Variants in PTPRD observed in about 807,000 individuals in gnomAD.
PTPRD encodes protein tyrosine phosphatase receptor type D, also known as receptor-type tyrosine-protein phosphatase delta.
In PTPRD, 34 loss-of-function variants were observed where a neutral mutation model predicts 214.5. The ratio of observed to expected loss-of-function variants is 0.16; its 90% confidence interval spans 0.12 to 0.21. The LOEUF (loss-of-function observed/expected upper bound fraction) is 0.21. PTPRD is among the 10% of genes least tolerant of loss of function. The pLI is 1.00. For synonymous variants in PTPRD, 1,128 were observed against 845.7 expected, an observed-to-expected ratio of 1.33 and a Z score of -5.79; for missense variants, 2,545 against 2,398.7, an observed-to-expected ratio of 1.06 and a Z score of -1.27.
intron 9 of PTPRD, among the ~76,000 whole-genome samples, chr9:9,200,152 A>G (rs928158535): frequency 2.0e-5 from 3 of 152,242 alleles, no homozygotes; most frequent in East Asian, 3.8e-4. Context: ...GGTGACCATG[A>G]GCAAGCCAGC....
At chr9:10,295,640 T>G (rs1237577826) in intron 3 of PTPRD, among the ~76,000 whole-genome samples, 1 of 152,086 alleles carries the variant, frequency 6.6e-6, no homozygotes, top group Non-Finnish European at 1.5e-5. Flanking sequence ...TCCTTCAATA[T>G]ATCCATATTC....
At position 8,464,475 on chromosome 9, in the gene PTPRD, C is replaced by T. The variant is rs117605125; in HGVS notation, c.3714+991G>A. ...GCTGCCTTTGTGTTTTGATTTTCCA[C>T]GGGGGAATTCTTTCAGTCACTTGAA... On this transcript the variant is annotated intron_variant, in intron 32 of 45. Coordinates refer to ENST00000381196, the MANE Select transcript of PTPRD (RefSeq NM_002839.4). Among the ~76,000 whole-genome samples the T allele has an allele frequency of 2.6e-3, 395 of 151,944 alleles. 5 individuals carry two copies. Among genetic ancestry groups the T allele is most frequent in the South Asian group, 0.022 (104 of 4,824 alleles).
intron 8 of PTPRD, among the ~76,000 whole-genome samples, chr9:9,524,528 T>C (rs1236243502): frequency 1.3e-5 from 2 of 152,236 alleles, no homozygotes; most frequent in Non-Finnish European, 2.9e-5. Context: ...TCAACATTTG[T>C]TAGAAATGAT....
At chr9:8,419,348 A>G (rs1415971334) in intron 35 of PTPRD, among the ~76,000 whole-genome samples, 1 of 152,118 alleles carries the variant, frequency 6.6e-6, no homozygotes. Flanking sequence ...TAAAACACCT[A>G]TTGTTTATTA....
chr9:10,108,870 GTT>G (rs373928700), intron 3 of PTPRD, among the ~76,000 whole-genome samples: 2 of 146,266 alleles, frequency 1.4e-5, no homozygotes, highest in African/African-American at 5.0e-5. Flanking sequence ...CGTAAAGAGG[GTT>G]TTTTTTTTTG....
chr9:10,198,766 T>C lies in PTPRD; in HGVS notation c.-545+142197A>G, dbSNP rs1217571164. Among the ~76,000 whole-genome samples, 3 of 152,134 alleles carry C rather than the reference T, an allele frequency of 2.0e-5. No individual in the cohort carries two copies. The East Asian group carries it at 5.8e-4, about 29-fold the overall frequency. On this transcript the variant is annotated intron_variant, in intron 3 of 45. Transcript: ENST00000381196. ...CCAAGATAGAAAAATGAATCCATTA[T>C]TCCCAGTGATAATTTATTTTATCAT...
chr9:9,243,542 CAT>C (rs1167945010), intron 9 of PTPRD, among the ~76,000 whole-genome samples: 1 of 152,142 alleles, frequency 6.6e-6, no homozygotes, highest in Non-Finnish European at 1.5e-5. Context: ...ACAAAAACCA[CAT>C]GATTATCTCA....
intron 9 of PTPRD, among the ~76,000 whole-genome samples, chr9:9,237,860 G>A (rs964137473): frequency 8.6e-5 from 13 of 152,022 alleles, no homozygotes; most frequent in African/African-American, 3.1e-4. Flanking sequence ...GGTTAACAGG[G>A]CACTTCATTG....
chr9:9,100,029 TAA>T (rs1187214225), intron 10 of PTPRD, among the ~76,000 whole-genome samples: 2 of 152,138 alleles, frequency 1.3e-5, no homozygotes, highest in East Asian at 3.8e-4. Context: ...AAGAAAACAT[TAA>T]AAGAGTCATA....
chr9:9,470,521 T>C (rs1003389503), intron 8 of PTPRD, among the ~76,000 whole-genome samples: 4 of 152,174 alleles, frequency 2.6e-5, no homozygotes, highest in Admixed American at 1.3e-4. Flanking sequence ...AGTCAACTGA[T>C]AGAGTTGGAA....
intron 3 of PTPRD, among the ~76,000 whole-genome samples, chr9:10,103,780 A>T (rs2098595571): frequency 6.6e-6 from 1 of 151,588 alleles, no homozygotes; most frequent in Non-Finnish European, 1.5e-5. Context: ...ACTCTTCCAC[A>T]GGCCAATATA....
Position 9,283,112 on chromosome 9 carries a change from G to A in PTPRD, c.-202-99749C>T, listed in dbSNP as rs148419386. On this transcript the variant is annotated intron_variant, in intron 9 of 45. Transcript: ENST00000381196. ...TCATGGAAGAATACATAGGAAAGCTGTTCCTTCTTTGCTTCATTTCCTTTT... is the reference window on the plus strand; with the variant it reads ...TCATGGAAGAATACATAGGAAAGCTATTCCTTCTTTGCTTCATTTCCTTTT... Among the ~76,000 whole-genome samples, 140 of 150,974 alleles carry A rather than the reference G, an allele frequency of 9.3e-4. 1 individual carries two copies. Among genetic ancestry groups the A allele is most frequent in the Non-Finnish European group, 1.6e-3 (106 of 67,292 alleles).
intron 11 of PTPRD, among the ~76,000 whole-genome samples, chr9:8,927,730 G>A (rs2098912526): frequency 6.6e-6 from 1 of 152,084 alleles, no homozygotes; most frequent in African/African-American, 2.4e-5. Context: ...CCCAGAAATG[G>A]GATTGCTGGG....
At chr9:8,441,314 TG>T (rs1025765601) in intron 34 of PTPRD, among the ~76,000 whole-genome samples, 40 of 152,056 alleles carry the variant, frequency 2.6e-4, no homozygotes, top group African/African-American at 8.7e-4. Flanking sequence ...GTGTACACAT[TG>T]GGGGGCTTCT....
intron 11 of PTPRD, among the ~76,000 whole-genome samples, chr9:8,918,236 C>T (rs1233212541): frequency 6.6e-6 from 1 of 152,132 alleles, no homozygotes; most frequent in East Asian, 1.9e-4. Flanking sequence ...CCGACCCAGT[C>T]TAACAAAACA....
At chr9:9,454,684 C>T (rs2092733939) in intron 8 of PTPRD, among the ~76,000 whole-genome samples, 1 of 151,596 alleles carries the variant, frequency 6.6e-6, no homozygotes, top group Admixed American at 6.6e-5. Flanking sequence ...ATAGTTTATT[C>T]TTAACTGTGT....
At chr9:8,629,036 A>C (rs2096153422) in intron 14 of PTPRD, among the ~76,000 whole-genome samples, 1 of 151,806 alleles carries the variant, frequency 6.6e-6, no homozygotes, top group East Asian at 1.9e-4. Flanking sequence ...GTCTAAAAAT[A>C]ATCTACTAAG....
intron 5 of PTPRD, among the ~76,000 whole-genome samples, chr9:9,784,296 A>G (rs1305376911): frequency 6.6e-6 from 1 of 152,070 alleles, no homozygotes; most frequent in African/African-American, 2.4e-5. Flanking sequence ...AATACTTGGA[A>G]TTTACTATGG....
chr9:9,116,262 A>G (rs1186986911), intron 10 of PTPRD, among the ~76,000 whole-genome samples: 2 of 152,146 alleles, frequency 1.3e-5, no homozygotes, highest in Non-Finnish European at 2.9e-5. Context: ...ATAAATATAT[A>G]CTTACTATGG....
Sources: allele counts gnomAD v4.1 joint callset (sites outside exome capture counted in the v4.1 genomes callset), GRCh38; gene constraint gnomAD v4.1.1; transcripts MANE v1.5; gene names NCBI Gene and HGNC (gene_info 2026-07-23, HGNC 2026-07-21).